Variants in MROH2A observed in about 807,000 individuals in gnomAD.
MROH2A encodes maestro heat like repeat family member 2A, also known as maestro heat-like repeat-containing protein family member 2A.
Under a neutral mutation model 200.4 loss-of-function variants are expected in MROH2A, and 174 were observed. The observed-to-expected ratio is 0.87, with a 90% CI of 0.77 to 0.98. The LOEUF (loss-of-function observed/expected upper bound fraction) is 0.98, where lower values mean the gene tolerates loss of function less well. MROH2A is among the 50% of genes least tolerant of loss of function. The pLI is 0.00. For missense variants in MROH2A, 2,045 were observed against 2,139.6 expected, an observed-to-expected ratio of 0.96 and a Z score of 0.87; for synonymous variants, 829 against 840.4, an observed-to-expected ratio of 0.99 and a Z score of 0.23.
chr2:233,790,460 TCCTC>T (rs1701656162), intron 5 of MROH2A, among the ~76,000 whole-genome samples: 2 of 29,090 alleles, frequency 6.9e-5, no homozygotes, highest in Non-Finnish European at 5.0e-5. Flanking sequence ...CCCCCTTCCT[TCCTC>T]CCTCCCTCCT....
rs898894369 is a variant in MROH2A, at chr2:233,810,885, C to T, written c.2540C>T (p.Ala847Val). 2 of 1,550,302 alleles carry T rather than the reference C, an allele frequency of 1.3e-6. No homozygotes were observed. Among genetic ancestry groups the T allele is most frequent in the South Asian group, 1.2e-5 (1 of 84,052 alleles). ...NIKDLEDFHF[A>V]QKTTLTSIIV... ...AAGGACCTGGAGGACTTTCACTTTG[C>T]CCAGAAGACGACTCTTACCAGCATT... The change falls in exon 23 of 42, where the codon GCC becomes GTC. Residue 847 changes from alanine to valine, a missense_variant. By Grantham distance (64) the Ala-to-Val change is moderately conservative. This residue lies in a region of MROH2A where 1,201 missense variants were observed against 1,311.3 expected (regional missense o/e 0.92). Coordinates refer to ENST00000389758, the MANE Select transcript of MROH2A (RefSeq NM_001394639.1).
intron 5 of MROH2A, among the ~76,000 whole-genome samples, chr2:233,791,990 G>T (rs992796971): frequency 1.3e-5 from 2 of 152,054 alleles, no homozygotes; most frequent in Non-Finnish European, 2.9e-5. Flanking sequence ...GGCCTGTTAC[G>T]GCTCCCTTCC....
In MROH2A at chr2:233,822,217, C is replaced by A. The variant is rs1409316157; in HGVS notation, c.3606C>A (p.Leu1202=). The A allele has an allele frequency of 6.5e-7, 1 of 1,548,492 alleles. No individual in the cohort carries two copies. The highest frequency in any genetic ancestry group is 8.7e-7 in the Non-Finnish European group (1 of 1,147,002). Residue 1202 remains leucine, a synonymous_variant, in exon 32 of 42, where the codon CTC becomes CTA. Transcript: ENST00000389758. ...HSLMGRLQSR[L]SPRISATSKA... ...TGATGGGCCGGCTGCAGTCACGGCT[C>A]AGCCCCAGAATCAGTGCCACCTCCA...
At chr2:233,823,510 AG>A (rs1321390073) in intron 34 of MROH2A, 45 bp from the exon 35 acceptor site, 5 of 1,530,286 alleles carry the variant, frequency 3.3e-6, no homozygotes, top group Non-Finnish European at 4.4e-6. Context: ...AACGTCAGGC[AG>A]GGGTGGGGCC....
chr2:233,825,921 CTT>C (rs34849761), intron 35 of MROH2A, among the ~76,000 whole-genome samples: 99 of 95,232 alleles, frequency 1.0e-3, no homozygotes, highest in Middle Eastern at 8.3e-3. Context: ...TTTCTTTTTC[CTT>C]TTTTTTTTTT....
rs1236271056 is a variant in MROH2A at position 233,779,335 on chromosome 2, A to T, written c.-14-10A>T. ...ACCCCGTATTTTACAAATTCTGTTG[A>T]TCTCAAAAGAGCTTGAGGAAGAGAT... On this transcript the variant is annotated splice_polypyrimidine_tract_variant and intron_variant, in intron 1 of 41. Transcript: ENST00000389758. The T allele has an allele frequency of 6.6e-7, 1 of 1,504,590 alleles. No homozygotes were observed. The allele number at this position is 1,504,590 out of a possible 1,614,324, so 93.2% of individuals were successfully genotyped here. A position where few individuals can be genotyped will look rare whatever the true frequency, so the allele number is the denominator to read the frequency against.
At chr2:233,801,946 C>G (rs1291871848) in intron 14 of MROH2A, among the ~76,000 whole-genome samples, 3 of 152,180 alleles carry the variant, frequency 2.0e-5, no homozygotes. Flanking sequence ...CTGGCCCCAG[C>G]AGGGACTAGC....
At chr2:233,797,378 G>A (rs1251150390) in intron 11 of MROH2A, among the ~76,000 whole-genome samples, 2 of 152,160 alleles carry the variant, frequency 1.3e-5, no homozygotes, top group Admixed American at 6.5e-5. Context: ...TGTATTAAAA[G>A]CAAAGCATGA....
chr2:233,830,338 A>T (rs1704640523), intron 38 of MROH2A, among the ~76,000 whole-genome samples: 1 of 152,174 alleles, frequency 6.6e-6, no homozygotes, highest in South Asian at 2.1e-4. Context: ...TGCATGGCCC[A>T]TGACCTTGAC....
At chr2:233,810,993 G>A (rs1333245495) in intron 23 of MROH2A, 77 bp downstream of exon 23, 8 of 1,493,096 alleles carry the variant, frequency 5.4e-6, no homozygotes, top group Non-Finnish European at 7.2e-6. Flanking sequence ...GGTTTTCAAA[G>A]TTCCTGAGGG....
rs543008661 is a variant in MROH2A, at chr2:233,832,739, C to CT, written c.4903+98dup. On this transcript the variant is annotated intron_variant, in intron 41 of 41. Coordinates refer to ENST00000389758, the MANE Select transcript of MROH2A (RefSeq NM_001394639.1). ...GCTTCAAGGGAAGAGCCAGAGGACC[C>CT]TTTGCTGTGGGGTTTCGGGGGGGTG... The CT allele has an allele frequency of 4.4e-4, 320 of 723,498 alleles. 1 individual carries two copies. In the African/African-American group the frequency reaches 5.2e-3, roughly 12 times the overall value. 44.8% of individuals were successfully genotyped at this position (723,498 alleles called of 1,614,324 possible). A position where few individuals can be genotyped will look rare whatever the true frequency, so the allele number is the denominator to read the frequency against.
In MROH2A at chr2:233,796,182, T is replaced by C. The variant is rs1257594817; in HGVS notation, c.1139-18T>C. 1 of 1,541,772 alleles carries C rather than the reference T, an allele frequency of 6.5e-7. No individual in the cohort carries two copies. The highest frequency in any genetic ancestry group is 8.8e-7 in the Non-Finnish European group (1 of 1,139,930). Reference sequence around the variant, plus strand: ...TGGACCCGGTGAGCATGACTAAAGCTGTCCTTCCACCCTGCAGCTCGCTCC... The same window carrying C: ...TGGACCCGGTGAGCATGACTAAAGCCGTCCTTCCACCCTGCAGCTCGCTCC... On this transcript the variant is annotated intron_variant, in intron 10 of 41. Coordinates refer to ENST00000389758, the MANE Select transcript of MROH2A (RefSeq NM_001394639.1).
chr2:233,811,772 G>A, intron 23 of MROH2A, 108 bp from the exon 24 acceptor site: 1 of 731,324 alleles, frequency 1.4e-6, no homozygotes, highest in South Asian at 1.5e-5. Context: ...AAGAGATGTG[G>A]GGTGTTAGAC....
Position 233,833,284 on chromosome 2 carries a change from T to G in MROH2A, c.*25T>G. 6.7e-7 allele frequency: 1 copy of G among 1,502,856 alleles called. No homozygotes were observed. The highest frequency in any genetic ancestry group is 1.3e-5 in the South Asian group (1 of 76,444). The allele number at this position is 1,502,856 out of a possible 1,614,324, so 93.1% of individuals were successfully genotyped here. ...GGTGGTCCAAACATAAGACGTAAAC[T>G]GTCTTCTTAGTGCCAAATGCAAGCC... On this transcript the variant is annotated 3_prime_UTR_variant, in exon 42 of 42. Coordinates refer to ENST00000389758, the MANE Select transcript of MROH2A (RefSeq NM_001394639.1).
At chr2:233,816,919 G>T in intron 27 of MROH2A, 34 bp downstream of exon 27, 1 of 1,274,828 alleles carries the variant, frequency 7.8e-7, no homozygotes, top group South Asian at 1.3e-5. Context: ...CCAGCCTGCT[G>T]CTCTGACATG....
intron 18 of MROH2A, among the ~76,000 whole-genome samples, 194 bp from the exon 19 acceptor site, chr2:233,804,810 C>T (rs1261701321): frequency 3.3e-5 from 5 of 152,174 alleles, no homozygotes; most frequent in South Asian, 2.1e-4. Context: ...GCCAGAGCCA[C>T]AGCCATTCCT....
At chr2:233,812,031 T>C in intron 24 of MROH2A, 72 bp downstream of exon 24, 1 of 1,079,452 alleles carries the variant, frequency 9.3e-7, no homozygotes, top group Admixed American at 2.0e-5. Context: ...TCGGTGCTCC[T>C]TCAGGGGTTG....
chr2:233,794,548 G>A lies in MROH2A; in HGVS notation c.966+42G>A, dbSNP rs1157063177. The A allele has an allele frequency of 5.6e-6, 6 of 1,066,840 alleles. No individual in the cohort carries two copies. In the East Asian group the frequency reaches 1.0e-4, roughly 18 times the overall value. The allele number at this position is 1,066,840 out of a possible 1,614,324, so 66.1% of individuals were successfully genotyped here. ...CCACGGCTCTGGGCAGGAGGCTTAG[G>A]GAATTGGGGGCTCCCAAGTGTTTAA... On this transcript the variant is annotated intron_variant, in intron 8 of 41. Transcript: ENST00000389758.
At position 233,822,193 on chromosome 2, in the gene MROH2A, G is replaced by GACC. The variant is rs1430179786; in HGVS notation, c.3583_3584insCCA (p.Leu1194_Met1195insThr). 3 of 1,549,336 alleles carry GACC rather than the reference G, an allele frequency of 1.9e-6. No individual in the cohort carries two copies. The highest frequency in any genetic ancestry group is 2.6e-6 in the Non-Finnish European group (3 of 1,147,006). ...TCGCCCGGACCATGCTCCACAGCCT[G>GACC]ATGGGCCGGCTGCAGTCACGGCTCA... is the stretch of plus-strand genomic sequence containing the variant. On this transcript the variant is annotated inframe_insertion, in exon 32 of 42. Transcript: ENST00000389758.
Sources: gnomAD v4.1 joint callset for allele counts (sites outside exome capture counted in the v4.1 genomes callset) on GRCh38, gnomAD v4.1.1 for gene constraint, gnomAD v4.1.1 regional missense constraint, MANE v1.5 for transcripts, NCBI Gene and HGNC (gene_info 2026-07-23, HGNC 2026-07-21) for gene names.